The following GOLGB1 variants were observed in gnomAD, a reference collection of about 807,000 sequenced individuals.
GOLGB1 encodes the protein golgin subfamily B member 1.
In GOLGB1, 174 loss-of-function variants were observed where a neutral mutation model predicts 336.9. The observed-to-expected ratio is 0.52, with a 90% CI of 0.46 to 0.59. The LOEUF (loss-of-function observed/expected upper bound fraction) is 0.59. Among genes scored for constraint, GOLGB1 ranks in the 20% least tolerant of loss-of-function variants. GOLGB1 has a pLI of 0.00. For synonymous variants in GOLGB1, 1,208 were observed against 1,289.2 expected (o/e 0.94, Z 1.35); for missense variants, 3,331 against 3,645.3 (o/e 0.91, Z 2.22).
intron 10 of GOLGB1, among the ~76,000 whole-genome samples, chr3:121,707,572 G>T (rs1943990208): frequency 6.6e-6 from 1 of 151,500 alleles, no homozygotes; most frequent in East Asian, 1.9e-4. Context: ...GGATGAGGCT[G>T]CAGTGAGCCA....
Position 121,699,888 on chromosome 3 carries a change from GAA to G in GOLGB1, c.1520-5_1520-4del, listed in dbSNP as rs748372835. On this transcript the variant is annotated splice_polypyrimidine_tract_variant and splice_region_variant and intron_variant, in intron 11 of 21. Transcript: ENST00000614479. ...AGTAATCTGAGAAGACAGTTTTTCT[GAA>G]AGTCACAAAATAAATATCTTTAGAA... 1 of 1,565,196 alleles carries G rather than the reference GAA, an allele frequency of 6.4e-7. No individual in the cohort carries two copies. Among genetic ancestry groups the G allele is most frequent in the Admixed American group, 1.7e-5 (1 of 58,266 alleles).
Position 121,676,970 on chromosome 3 carries a change from G to T in GOLGB1, c.9100C>A (p.Leu3034Ile). 6.2e-7 allele frequency: 1 copy of T among 1,613,416 alleles called. No individual in the cohort carries two copies. Among genetic ancestry groups the T allele is most frequent in the Middle Eastern group, 1.7e-4 (1 of 6,060 alleles). ...CTGTCATTGAGCTGGGTCCTGAGAA[G>T]TTCTGTCTCATAAACCAGATTTTGT... is the stretch of plus-strand genomic sequence containing the variant. ...GSQNLVYETELLRTQLNDSLK... is the reference protein window; with the variant it reads ...GSQNLVYETEILRTQLNDSLK... Residue 3034 changes from leucine to isoleucine, a missense_variant, in exon 17 of 22, where the codon CTT becomes ATT. By Grantham distance (5) the Leu-to-Ile change is conservative (BLOSUM62 2). Transcript: ENST00000614479.
chr3:121,676,970 G>A lies in GOLGB1; in HGVS notation c.9100C>T (p.Leu3034Phe), dbSNP rs1412747521. 6.2e-7 allele frequency: 1 copy of A among 1,613,420 alleles called. No individual in the cohort carries two copies. The highest frequency in any genetic ancestry group is 2.2e-5 in the East Asian group (1 of 44,882). The change falls in exon 17 of 22, where the codon CTT becomes TTT. Residue 3034 changes from leucine (L) to phenylalanine (F), a missense_variant. Physicochemically the swap from Leu to Phe is conservative, Grantham distance 22. Coordinates refer to ENST00000614479, the MANE Select transcript of GOLGB1 (RefSeq NM_001366282.2). Reference sequence around the variant, plus strand: ...CTGTCATTGAGCTGGGTCCTGAGAAGTTCTGTCTCATAAACCAGATTTTGT... The same window carrying A: ...CTGTCATTGAGCTGGGTCCTGAGAAATTCTGTCTCATAAACCAGATTTTGT... ...GSQNLVYETE[L>F]LRTQLNDSLK...
At position 121,695,774 on chromosome 3, in the gene GOLGB1, A is replaced by G. The variant is rs1277943032; in HGVS notation, c.4749T>C (p.Gly1583=). The change falls in exon 13 of 22, where the codon GGT becomes GGC. Residue 1583 remains glycine, a synonymous_variant. Transcript: ENST00000614479. The part of the protein sequence containing the change: ...SCESLKLALE[G]LTEDKEKLVK... The stretch of plus-strand genomic sequence containing the variant: ...CTAACTTTTCCTTGTCTTCAGTAAG[A>G]CCCTCTAGAGCTAGTTTTAGACTTT... 6.2e-7 allele frequency: 1 copy of G among 1,612,950 alleles called. No homozygotes were observed. Among genetic ancestry groups the G allele is most frequent in the Non-Finnish European group, 8.5e-7 (1 of 1,179,952 alleles).
chr3:121,679,021 T>C (rs1409181329), intron 15 of GOLGB1, among the ~76,000 whole-genome samples: 1 of 152,200 alleles, frequency 6.6e-6, no homozygotes, highest in African/African-American at 2.4e-5. Context: ...ATAGCTCCTA[T>C]CTTAATTTCT....
chr3:121,708,144 T>G (rs777816562), intron 10 of GOLGB1, among the ~76,000 whole-genome samples: 3 of 152,188 alleles, frequency 2.0e-5, no homozygotes, highest in African/African-American at 2.4e-5. Flanking sequence ...CAAATAAGTA[T>G]GCTGAGTAAA....
chr3:121,740,241 G>T (rs1418160293), intron 1 of GOLGB1, among the ~76,000 whole-genome samples: 1 of 151,998 alleles, frequency 6.6e-6, no homozygotes, highest in African/African-American at 2.4e-5. Flanking sequence ...GTAAAACTGG[G>T]GAATATATCT....
intron 1 of GOLGB1, among the ~76,000 whole-genome samples, chr3:121,740,665 ATTTG>A (rs1274433969): frequency 2.6e-5 from 4 of 152,194 alleles, no homozygotes; most frequent in Non-Finnish European, 5.9e-5. Context: ...ATTCCTAATA[ATTTG>A]TTTATTTTTA....
At chr3:121,688,420 G>T (rs938307815) in intron 14 of GOLGB1, among the ~76,000 whole-genome samples, 1 of 152,252 alleles carries the variant, frequency 6.6e-6, no homozygotes, top group Non-Finnish European at 1.5e-5. Flanking sequence ...GCTCCTAACC[G>T]CGAGTGATCC....
rs1463498567 is a variant in GOLGB1, at chr3:121,691,837, C to A, written c.7527G>T (p.Glu2509Asp). The A allele has an allele frequency of 6.2e-7, 1 of 1,613,192 alleles. No individual in the cohort carries two copies. The highest frequency in any genetic ancestry group is 2.2e-5 in the East Asian group (1 of 44,884). ...KDQLIQEAAA[E>D]NNKLKEEIRG... ...GTATTTCTTCTTTAAGCTTATTATT[C>A]TCTGCAGCAGCCTCTTGGATGAGTT... Residue 2509 changes from glutamate to aspartate, a missense_variant, in exon 14 of 22, where the codon GAG (glutamate) becomes GAT (aspartate). Coordinates refer to ENST00000614479, the MANE Select transcript of GOLGB1 (RefSeq NM_001366282.2).
At chr3:121,665,407 A>G (rs1938478704) in intron 20 of GOLGB1, among the ~76,000 whole-genome samples, 1 of 152,184 alleles carries the variant, frequency 6.6e-6, no homozygotes. Flanking sequence ...AGAATTCAAT[A>G]CCCAACTTTG....
intron 1 of GOLGB1, among the ~76,000 whole-genome samples, chr3:121,734,392 G>GAAAAAAAAA (rs34906801): frequency 9.3e-6 from 1 of 107,248 alleles, no homozygotes; most frequent in African/African-American, 3.8e-5. Flanking sequence ...TCTGTCTCGG[G>GAAAAAAAAA]AAAAAAAAAA....
rs755467924 is a variant in GOLGB1, at chr3:121,696,852, A to G, written c.3671T>C (p.Phe1224Ser). The change falls in exon 13 of 22, where the codon TTT becomes TCT. Residue 1224 changes from phenylalanine (F) to serine (S), a missense_variant. Transcript: ENST00000614479. ...KDDYNRLQEQ[F>S]DEQSKENENI... ...CTCATTTTCCTTGCTTTGCTCATCA[A>G]ACTGTTCTTGCAAGCGATTATAGTC... 1 of 1,614,036 alleles carries G rather than the reference A, an allele frequency of 6.2e-7. No homozygotes were observed. Among genetic ancestry groups the G allele is most frequent in the East Asian group, 2.2e-5 (1 of 44,886 alleles).
intron 4 of GOLGB1, among the ~76,000 whole-genome samples, chr3:121,728,812 G>A (rs1446330934): frequency 6.6e-6 from 1 of 152,174 alleles, no homozygotes; most frequent in Non-Finnish European, 1.5e-5. Context: ...GAATTAAAAA[G>A]TTTCAGAGCT....
intron 5 of GOLGB1, among the ~76,000 whole-genome samples, chr3:121,725,651 T>C (rs935754464): frequency 6.6e-6 from 1 of 152,166 alleles, no homozygotes; most frequent in Non-Finnish European, 1.5e-5. Context: ...AAGGCTATGA[T>C]GTGAATGTCC....
At chr3:121,717,393 C>T (rs1300544856) in intron 8 of GOLGB1, among the ~76,000 whole-genome samples, 2 of 152,084 alleles carry the variant, frequency 1.3e-5, no homozygotes, top group African/African-American at 4.8e-5. Context: ...GATGAGACTA[C>T]TTGGATGTGA....
At chr3:121,665,479 AT>A (rs1250832791) in intron 20 of GOLGB1, among the ~76,000 whole-genome samples, 1 of 152,092 alleles carries the variant, frequency 6.6e-6, no homozygotes, top group Non-Finnish European at 1.5e-5. Flanking sequence ...AACTCATTAC[AT>A]TTTTTTCTTT....
At chr3:121,726,045 T>C (rs1346229506) in intron 5 of GOLGB1, among the ~76,000 whole-genome samples, 2 of 150,472 alleles carry the variant, frequency 1.3e-5, no homozygotes, top group African/African-American at 4.9e-5. Flanking sequence ...AGGAGCAGAA[T>C]GATATGATTA....
Position 121,668,062 on chromosome 3 carries a change from T to C in GOLGB1, c.9418A>G (p.Ser3140Gly). The C allele has an allele frequency of 1.3e-6, 2 of 1,568,870 alleles. No individual in the cohort carries two copies. Among genetic ancestry groups the C allele is most frequent in the South Asian group, 1.1e-5 (1 of 88,600 alleles). The change falls in exon 19 of 22, where the codon AGC becomes GGC. Residue 3140 changes from serine (S) to glycine (G), a missense_variant and splice_region_variant. Ser to Gly is a moderately conservative substitution (Grantham distance 56). Transcript: ENST00000614479. ...GGGTTTAGAGAGCCACTCCCCTACC[T>C]TTGCTGCGGTTCCCTTAGTTCCTCA... ...DPEELREPQQ[S>G]FSEAQQQLCN...
Sources: gnomAD v4.1 joint callset for allele counts (sites outside exome capture counted in the v4.1 genomes callset) on GRCh38, gnomAD v4.1.1 for gene constraint, MANE v1.5 for transcripts, NCBI Gene and HGNC (gene_info 2026-07-23, HGNC 2026-07-21) for gene names.